Variants in CREBL2 observed in about 807,000 individuals in gnomAD.
CREBL2 encodes cAMP responsive element binding protein like 2, also known as cAMP-responsive element-binding protein-like 2.
In CREBL2, 4 loss-of-function variants were observed where a neutral mutation model predicts 19.5. The ratio of observed to expected loss-of-function variants is 0.20; its 90% CI spans 0.10 to 0.47. The LOEUF (loss-of-function observed/expected upper bound fraction) is 0.47. Among genes scored for constraint, CREBL2 ranks in the 20% least tolerant of loss-of-function variants. CREBL2 has a pLI of 0.98. For synonymous variants in CREBL2, 42 were observed against 46.6 expected, an observed-to-expected ratio of 0.90 and a Z score of 0.40; for missense variants, 85 against 145.1, an observed-to-expected ratio of 0.59 and a Z score of 2.13.
In CREBL2 at chr12:12,637,652, A is replaced by T; in HGVS notation, c.296A>T (p.Lys99Ile). ...KALLTGEEQN[K>I]SQQNSSRHTK... ...CTACTCACTGGAGAAGAGCAGAACA[A>T]ATCTCAGCAGAACTCAAGCAGGCAT... is the stretch of plus-strand genomic sequence containing the variant. Residue 99 changes from lysine to isoleucine, a missense_variant, in exon 3 of 4, where the codon AAA becomes ATA. Physicochemically the swap from Lys to Ile is moderately radical, Grantham distance 102. This residue lies in a region of CREBL2 where 42 missense variants were observed against 38.4 expected (regional missense o/e 1.09). Coordinates refer to ENST00000228865, the MANE Select transcript of CREBL2 (RefSeq NM_001310.4). 6.2e-7 allele frequency: 1 copy of T among 1,613,846 alleles called. No individual in the cohort carries two copies. Among genetic ancestry groups the T allele is most frequent in the East Asian group, 2.2e-5 (1 of 44,884 alleles).
intron 1 of CREBL2, among the ~76,000 whole-genome samples, chr12:12,612,530 G>C (rs986018566): frequency 6.6e-6 from 1 of 152,080 alleles, no homozygotes; most frequent in Admixed American, 6.6e-5. Flanking sequence ...CCAGTTTGGA[G>C]ACTTTAGTGC....
chr12:12,624,494 A>C (rs995895292), intron 1 of CREBL2, among the ~76,000 whole-genome samples: 1 of 152,192 alleles, frequency 6.6e-6, no homozygotes, highest in African/African-American at 2.4e-5. Context: ...TACTCAGCCC[A>C]CCACTCTCAA....
intron 1 of CREBL2, among the ~76,000 whole-genome samples, chr12:12,616,645 A>T (rs1453566886): frequency 6.6e-6 from 1 of 152,226 alleles, no homozygotes; most frequent in East Asian, 1.9e-4. Flanking sequence ...CTGTCCTTAT[A>T]TAAGGCTTTG....
intron 1 of CREBL2, among the ~76,000 whole-genome samples, chr12:12,625,166 T>C (rs1438569165): frequency 6.6e-6 from 1 of 152,110 alleles, no homozygotes; most frequent in Non-Finnish European, 1.5e-5. Context: ...AAAACAGGGA[T>C]GTAAGTTCTC....
chr12:12,626,589 A>G (rs972638559), intron 1 of CREBL2, among the ~76,000 whole-genome samples: 1 of 152,224 alleles, frequency 6.6e-6, no homozygotes, highest in Admixed American at 6.5e-5. Flanking sequence ...ACAAACCATA[A>G]AATTCACCCT....
intron 1 of CREBL2, among the ~76,000 whole-genome samples, chr12:12,621,809 A>G (rs1472256455): frequency 6.6e-6 from 1 of 152,214 alleles, no homozygotes; most frequent in East Asian, 1.9e-4. Context: ...TCTTATGTGT[A>G]ATGAGGTTTG....
At chr12:12,623,425 G>A (rs981117457) in intron 1 of CREBL2, among the ~76,000 whole-genome samples, 2 of 152,188 alleles carry the variant, frequency 1.3e-5, no homozygotes, top group East Asian at 1.9e-4. Flanking sequence ...ATGACTTATG[G>A]ACTGAGGGTG....
In CREBL2 at chr12:12,611,974, T is replaced by C. The variant is rs1945269985; in HGVS notation, c.-199T>C. 1.6e-6 allele frequency: 1 copy of C among 628,222 alleles called. No homozygotes were observed. The highest frequency in any genetic ancestry group is 2.7e-6 in the Non-Finnish European group (1 of 368,906). The allele number at this position is 628,222 out of a possible 1,614,324, so 38.9% of individuals were successfully genotyped here. A position where few individuals can be genotyped will look rare whatever the true frequency, so the allele number is the denominator to read the frequency against. ...GCGAAGGGAGGCGTTTGGGGCCGCC[T>C]CCAGGGTCCGCTCTGCCATTCCTGA... On this transcript the variant is annotated 5_prime_UTR_variant, in exon 1 of 4. Coordinates refer to ENST00000228865, the MANE Select transcript of CREBL2 (RefSeq NM_001310.4).
chr12:12,632,749 G>C (rs1945450250), intron 1 of CREBL2, among the ~76,000 whole-genome samples: 1 of 151,738 alleles, frequency 6.6e-6, no homozygotes, highest in East Asian at 1.9e-4. Context: ...TTTTAACTCA[G>C]GTTGATTTCA....
chr12:12,623,099 C>CT (rs5796501), intron 1 of CREBL2, among the ~76,000 whole-genome samples: 2,572 of 117,652 alleles, frequency 0.022, 74 homozygotes, highest in African/African-American at 0.066. Flanking sequence ...GTAACAACTT[C>CT]TTTTTTTTTT....
rs1296147190 is a variant in CREBL2 at position 12,643,229 on chromosome 12, C to G, written c.*1231C>G. On this transcript the variant is annotated 3_prime_UTR_variant, in exon 4 of 4. Coordinates refer to ENST00000228865, the MANE Select transcript of CREBL2 (RefSeq NM_001310.4). Reference sequence around the variant, plus strand: ...GTGCAGAAGGGCAGGGTAGTTCTTTCCATTTCCCCTTGCAGCTACACTTAC... The same window carrying G: ...GTGCAGAAGGGCAGGGTAGTTCTTTGCATTTCCCCTTGCAGCTACACTTAC... 1 of 152,560 alleles carries G rather than the reference C, an allele frequency of 6.6e-6. No homozygotes were observed. Among genetic ancestry groups the G allele is most frequent in the Non-Finnish European group, 1.5e-5 (1 of 68,090 alleles). 9.5% of individuals were successfully genotyped at this position (152,560 alleles called of 1,614,324 possible). A position where few individuals can be genotyped will look rare whatever the true frequency, so the allele number is the denominator to read the frequency against.
chr12:12,633,271 C>T (rs928415156), intron 1 of CREBL2, among the ~76,000 whole-genome samples: 4 of 151,822 alleles, frequency 2.6e-5, no homozygotes, highest in Admixed American at 1.3e-4. Flanking sequence ...AAAAACATGA[C>T]GATTGGGCCA....
In CREBL2 at chr12:12,637,681, A is replaced by G. The variant is rs776563291; in HGVS notation, c.325A>G (p.Lys109Glu). The G allele has an allele frequency of 6.8e-6, 11 of 1,613,116 alleles. No homozygotes were observed. The highest frequency in any genetic ancestry group is 9.3e-6 in the Non-Finnish European group (11 of 1,179,604). The change falls in exon 3 of 4, where the codon AAG becomes GAG. Residue 109 changes from lysine (K) to glutamate (E), a missense_variant. Lys to Glu is a moderately conservative substitution (Grantham distance 56). Coordinates refer to ENST00000228865, the MANE Select transcript of CREBL2 (RefSeq NM_001310.4). Reference protein sequence around the residue: ...KSQQNSSRHTKAGKTDANSNS... With the variant: ...KSQQNSSRHTEAGKTDANSNS... ...TCAGCAGAACTCAAGCAGGCATACC[A>G]AGGCTGGGAAGACAGATGCTAATAG... is the stretch of plus-strand genomic sequence containing the variant.
At position 12,621,634 on chromosome 12, in the gene CREBL2, A is replaced by T. The variant is rs376948068; in HGVS notation, c.15+9447A>T. 9.9e-5 allele frequency among the ~76,000 whole-genome samples: 15 copies of T among 152,086 alleles called. No homozygotes were observed. The East Asian group carries it at 1.5e-3, about 16-fold the overall frequency. On this transcript the variant is annotated intron_variant, in intron 1 of 3. Transcript: ENST00000228865. ...AAAGCAGAAGTAGAGGTGTGGTCAG[A>T]GATGAGGATGAAAGATAAGCAGGGA...
At chr12:12,638,539 T>A (rs1822619226) in intron 3 of CREBL2, among the ~76,000 whole-genome samples, 1 of 152,176 alleles carries the variant, frequency 6.6e-6, no homozygotes, top group Non-Finnish European at 1.5e-5. Context: ...ATTTTATTAT[T>A]AATAGACTTA....
chr12:12,626,135 A>G (rs571667034), intron 1 of CREBL2, among the ~76,000 whole-genome samples: 4 of 152,336 alleles, frequency 2.6e-5, no homozygotes, highest in African/African-American at 7.2e-5. Context: ...AAATGGTCCA[A>G]GAATCTTTGG....
At position 12,636,098 on chromosome 12, in the gene CREBL2, G is replaced by C. The variant is rs530606346; in HGVS notation, c.213+124G>C. On this transcript the variant is annotated intron_variant, in intron 2 of 3. Coordinates refer to ENST00000228865, the MANE Select transcript of CREBL2 (RefSeq NM_001310.4). ...CAAACATTGGAGAGAATATTAATCT[G>C]TTAGCCAGGATGGGGGCAAATAGGC... 2.5e-5 allele frequency: 24 copies of C among 950,802 alleles called. 1 individual carries two copies. The highest frequency in any genetic ancestry group is 2.1e-4 in the South Asian group (12 of 57,962). 58.9% of individuals were successfully genotyped at this position (950,802 alleles called of 1,614,324 possible).
At chr12:12,639,454 C>A (rs1592242951) in intron 3 of CREBL2, among the ~76,000 whole-genome samples, 1 of 152,312 alleles carries the variant, frequency 6.6e-6, no homozygotes, top group African/African-American at 2.4e-5. Context: ...CACATCTCAT[C>A]AACTTATTTT....
intron 1 of CREBL2, among the ~76,000 whole-genome samples, chr12:12,612,748 G>A (rs1353728638): frequency 6.6e-6 from 1 of 152,064 alleles, no homozygotes; most frequent in African/African-American, 2.4e-5. Context: ...TTTTCCTCTT[G>A]TTAACTTTAA....
Sources: allele counts gnomAD v4.1 joint callset (sites outside exome capture counted in the v4.1 genomes callset), GRCh38; gene constraint gnomAD v4.1.1; regional missense constraint gnomAD v4.1.1; transcripts MANE v1.5; gene names NCBI Gene and HGNC (gene_info 2026-07-23, HGNC 2026-07-21).